B3GLCT: variants seen among roughly 807,000 people sequenced by gnomAD.
B3GLCT encodes beta 3-glucosyltransferase, also known as beta-1,3-glucosyltransferase.
A neutral mutation model predicts 63.4 loss-of-function variants in B3GLCT; 65 were observed. The ratio of observed to expected loss-of-function variants is 1.03; its 90% CI spans 0.84 to 1.26. The LOEUF is 1.26. Ranked by LOEUF, B3GLCT falls within the 50% of genes most tolerant of loss-of-function variation. B3GLCT has a pLI of 0.00. For missense variants in B3GLCT, 577 were observed against 604.8 expected (o/e 0.95, Z 0.48); for synonymous variants, 233 against 219.2 (o/e 1.06, Z -0.55).
intron 6 of B3GLCT, among the ~76,000 whole-genome samples, chr13:31,248,432 C>G (rs1871289916): frequency 6.6e-6 from 1 of 152,188 alleles, no homozygotes; most frequent in Non-Finnish European, 1.5e-5. Flanking sequence ...GCAGGGAGAA[C>G]AGACCATTAG....
intron 2 of B3GLCT, among the ~76,000 whole-genome samples, chr13:31,216,249 A>G (rs942689066): frequency 6.6e-6 from 1 of 152,214 alleles, no homozygotes; most frequent in Non-Finnish European, 1.5e-5. Flanking sequence ...ACCTTTTATG[A>G]TTAATAAAGC....
chr13:31,295,139 T>C (rs568688270), intron 12 of B3GLCT, among the ~76,000 whole-genome samples: 51 of 152,328 alleles, frequency 3.3e-4, no homozygotes, highest in Admixed American at 3.2e-3. Context: ...GTATTACCAG[T>C]GGAGGCTGCA....
intron 3 of B3GLCT, among the ~76,000 whole-genome samples, chr13:31,228,738 G>A (rs1314399027): frequency 3.3e-5 from 5 of 152,200 alleles, no homozygotes; most frequent in African/African-American, 1.2e-4. Flanking sequence ...TGAGGTATTG[G>A]GGGTTAGGAC....
At chr13:31,274,840 C>A (rs531098134) in intron 9 of B3GLCT, among the ~76,000 whole-genome samples, 1 of 152,146 alleles carries the variant, frequency 6.6e-6, no homozygotes, top group Non-Finnish European at 1.5e-5. Context: ...AGTTTTCAAA[C>A]CTTGCTCTTC....
rs2137958305 is a variant in B3GLCT at position 31,329,775 on chromosome 13, G to A, written c.*107G>A. 7.7e-7 allele frequency: 1 copy of A among 1,291,624 alleles called. No homozygotes were observed. The highest frequency in any genetic ancestry group is 1.1e-6 in the Non-Finnish European group (1 of 904,314). 80.0% of individuals were successfully genotyped at this position (1,291,624 alleles called of 1,614,324 possible). A position where few individuals can be genotyped will look rare whatever the true frequency, so the allele number is the denominator to read the frequency against. On this transcript the variant is annotated 3_prime_UTR_variant, in exon 15 of 15. Transcript: ENST00000343307. ...ACTTGTGTCTGCCACATGGCATTGG[G>A]TGCTTCCTGACTTTAGGGGGAGATT...
At chr13:31,297,999 G>A (rs1396519478) in intron 12 of B3GLCT, among the ~76,000 whole-genome samples, 1 of 152,120 alleles carries the variant, frequency 6.6e-6, no homozygotes, top group Admixed American at 6.5e-5. Context: ...GTTTATGAAG[G>A]CTTCATTATA....
intron 6 of B3GLCT, 33 bp downstream of exon 6, chr13:31,247,999 G>T: frequency 1.7e-6 from 2 of 1,169,858 alleles, no homozygotes; most frequent in Non-Finnish European, 2.6e-6. Context: ...TTCTTATTTT[G>T]GGGGACAGTG....
At chr13:31,326,609 C>T (rs1875639697) in intron 14 of B3GLCT, among the ~76,000 whole-genome samples, 1 of 152,010 alleles carries the variant, frequency 6.6e-6, no homozygotes, top group East Asian at 1.9e-4. Context: ...GTTTCAGCCC[C>T]TCTCTCTTCC....
chr13:31,200,922 C>G (rs182697667), intron 1 of B3GLCT, among the ~76,000 whole-genome samples: 1 of 152,096 alleles, frequency 6.6e-6, no homozygotes, highest in Non-Finnish European at 1.5e-5. Context: ...TGCCCGGTCT[C>G]CTGCTGCTGT....
intron 4 of B3GLCT, among the ~76,000 whole-genome samples, chr13:31,241,743 G>A (rs548363598): frequency 5.0e-4 from 76 of 152,310 alleles, no homozygotes; most frequent in African/African-American, 1.7e-3. Context: ...CTCCCATCTT[G>A]GGCAGCTTGA....
At chr13:31,329,263 A>G (rs1013006190) in intron 14 of B3GLCT, among the ~76,000 whole-genome samples, 1 of 152,244 alleles carries the variant, frequency 6.6e-6, no homozygotes, top group Non-Finnish European at 1.5e-5. Context: ...AGGCAAGACT[A>G]TGGAACATAG....
chr13:31,322,241 G>A (rs1416345721), intron 13 of B3GLCT, among the ~76,000 whole-genome samples: 2 of 152,262 alleles, frequency 1.3e-5, no homozygotes, highest in Non-Finnish European at 1.5e-5. Context: ...AGAGGCCGCA[G>A]GCAGTGTTAC....
chr13:31,284,705 A>G lies in B3GLCT; in HGVS notation c.908A>G (p.Asp303Gly). The G allele has an allele frequency of 6.2e-7, 1 of 1,611,944 alleles. No homozygotes were observed. The highest frequency in any genetic ancestry group is 1.3e-5 in the African/African-American group (1 of 75,000). Residue 303 changes from aspartate to glycine, a missense_variant, in exon 11 of 15, where the codon GAC (aspartate) becomes GGC (glycine). By Grantham distance (94) the Asp-to-Gly change is moderately conservative. Coordinates refer to ENST00000343307, the MANE Select transcript of B3GLCT (RefSeq NM_194318.4). The stretch of plus-strand genomic sequence containing the variant: ...GCAAGTCTCATTGAATACTATAGTG[A>G]CTATACTGAAAATTCCATTCCTACT... ...SQASLIEYYS[D>G]YTENSIPTVD...
chr13:31,229,100 T>A, intron 3 of B3GLCT, 85 bp from the exon 4 acceptor site: 2 of 874,796 alleles, frequency 2.3e-6, no homozygotes, highest in Non-Finnish European at 3.7e-6. Flanking sequence ...AGGTTTGCTT[T>A]GTAGCTATTT....
chr13:31,297,375 G>GTTTTT (rs35163232), intron 12 of B3GLCT, among the ~76,000 whole-genome samples: 1 of 127,784 alleles, frequency 7.8e-6, no homozygotes, highest in Non-Finnish European at 1.7e-5. Flanking sequence ...TATTTTCTGG[G>GTTTTT]TTTTTTTTTT....
At chr13:31,234,614 G>A (rs965220237) in intron 4 of B3GLCT, among the ~76,000 whole-genome samples, 20 of 152,106 alleles carry the variant, frequency 1.3e-4, no homozygotes, top group Admixed American at 4.6e-4. Flanking sequence ...TGGGGCCAGC[G>A]GATGGGGGGT....
At chr13:31,259,622 C>T (rs1048628683) in intron 6 of B3GLCT, among the ~76,000 whole-genome samples, 4 of 151,712 alleles carry the variant, frequency 2.6e-5, no homozygotes, top group Non-Finnish European at 4.4e-5. Flanking sequence ...CCTTACATCT[C>T]TTCTCTTTCA....
At chr13:31,278,056 C>A (rs111408315) in intron 10 of B3GLCT, among the ~76,000 whole-genome samples, 2 of 151,760 alleles carry the variant, frequency 1.3e-5, no homozygotes, top group African/African-American at 4.8e-5. Context: ...TGAACTATAC[C>A]GCTTTTTGTT....
Position 31,328,181 on chromosome 13 carries a change from A to G in B3GLCT, c.1330-1320A>G, listed in dbSNP as rs560311354. On this transcript the variant is annotated intron_variant, in intron 14 of 14. Coordinates refer to ENST00000343307, the MANE Select transcript of B3GLCT (RefSeq NM_194318.4). ...TTTATAAGGCTGTTTCTAGGATTCA[A>G]TAAGGCAAAATTTAACAAAGGTATT... Among the ~76,000 whole-genome samples the G allele has an allele frequency of 1.4e-4, 22 of 152,338 alleles. No homozygotes were observed. In the South Asian group the frequency reaches 3.1e-3, roughly 21 times the overall value.
Sources: allele counts gnomAD v4.1 joint callset (sites outside exome capture counted in the v4.1 genomes callset), GRCh38; gene constraint gnomAD v4.1.1; transcripts MANE v1.5; gene names NCBI Gene and HGNC (gene_info 2026-07-23, HGNC 2026-07-21).